Variants in ZC2HC1C observed in about 807,000 individuals in gnomAD.
ZC2HC1C encodes zinc finger C2HC-type containing 1C.
A neutral mutation model predicts 39.2 loss-of-function variants in ZC2HC1C; 25 were observed. The observed-to-expected ratio is 0.64, with a 90% CI of 0.47 to 0.89. ZC2HC1C has a LOEUF of 0.89. ZC2HC1C is among the 40% of genes least tolerant of loss of function. The pLI is 0.00. For synonymous variants in ZC2HC1C, 209 were observed against 214.4 expected (o/e 0.97, Z 0.22); for missense variants, 519 against 548.6 (o/e 0.95, Z 0.54).
chr14:75,073,167 T>C (rs945497091), intron 2 of ZC2HC1C, among the ~76,000 whole-genome samples: 1 of 152,232 alleles, frequency 6.6e-6, no homozygotes. Context: ...TTTTAGTAGT[T>C]TGGAGAAATC....
At position 75,078,998 on chromosome 14, in the gene ZC2HC1C, T is replaced by C. The variant is rs1893790733; in HGVS notation, c.*1434T>C. On this transcript the variant is annotated 3_prime_UTR_variant, in exon 3 of 3. Coordinates refer to ENST00000524913, the MANE Select transcript of ZC2HC1C (RefSeq NM_024643.4). ...TCTGCGAGAGTATTATCAGTTCAGA[T>C]AGGAGTGAAGTTAGCACAACAGATA... The C allele has an allele frequency of 6.6e-6, 1 of 152,146 alleles. No individual in the cohort carries two copies. Among genetic ancestry groups the C allele is most frequent in the Admixed American group, 6.5e-5 (1 of 15,270 alleles). 9.4% of individuals were successfully genotyped at this position (152,146 alleles called of 1,614,324 possible).
rs765802539 is a variant in ZC2HC1C, at chr14:75,071,888, T to C, written c.1315T>C (p.Trp439Arg). The C allele has an allele frequency of 1.5e-5, 24 of 1,602,338 alleles. No individual in the cohort carries two copies. The highest frequency in any genetic ancestry group is 1.9e-5 in the Non-Finnish European group (22 of 1,174,792). Residue 439 changes from tryptophan to arginine, a missense_variant, in exon 2 of 3, where the codon TGG (tryptophan) becomes CGG (arginine). Trp to Arg is a moderately radical substitution (Grantham distance 101). Transcript: ENST00000524913. ...CACAGAACTAGAGCAGTACTTGAAC[T>C]GGAAGGGGCCAGCTTCAGCCAAGGT... ...KGTELEQYLN[W>R]KGPASAKAEP...
chr14:75,073,516 C>T (rs1893520538), intron 2 of ZC2HC1C: 1 of 1,222,650 alleles, frequency 8.2e-7, no homozygotes, highest in Non-Finnish European at 1.1e-6. Flanking sequence ...CAGAAGGGAC[C>T]TAGACTAAGA....
intron 2 of ZC2HC1C, among the ~76,000 whole-genome samples, chr14:75,074,332 C>T (rs1893565455): frequency 6.6e-6 from 1 of 152,096 alleles, no homozygotes; most frequent in Non-Finnish European, 1.5e-5. Context: ...TCCTATTATT[C>T]ATCATTAACA....
chr14:75,073,572 G>A, intron 2 of ZC2HC1C: 4 of 1,289,242 alleles, frequency 3.1e-6, no homozygotes, highest in Non-Finnish European at 4.0e-6. Flanking sequence ...ATTCCACAGT[G>A]CTGTGCCTTT....
intron 2 of ZC2HC1C, 129 bp from the exon 3 acceptor site, chr14:75,077,403 T>G (rs1453887410): frequency 4.0e-6 from 5 of 1,250,954 alleles, no homozygotes; most frequent in Non-Finnish European, 5.7e-6. Context: ...GTTACCGCTG[T>G]TGCTCCTTTC....
rs371505188 is a variant in ZC2HC1C at position 75,071,694 on chromosome 14, C to G, written c.1121C>G (p.Pro374Arg). 4.3e-5 allele frequency: 70 copies of G among 1,614,032 alleles called. No individual in the cohort carries two copies. The highest frequency in any genetic ancestry group is 5.3e-5 in the Non-Finnish European group (63 of 1,180,022). The change falls in exon 2 of 3, where the codon CCA (proline) becomes CGA (arginine). Residue 374 changes from proline (P) to arginine (R), a missense_variant. Physicochemically the swap from Pro to Arg is moderately radical, Grantham distance 103. Coordinates refer to ENST00000524913, the MANE Select transcript of ZC2HC1C (RefSeq NM_024643.4). ...AGAAATTCCAGCCTGTCCATGGCAC[C>G]AGACTCCTCAGGTTCCAGCGGCTCC... The part of the protein sequence containing the change: ...SARNSSLSMA[P>R]DSSGSSGSIE...
chr14:75,074,393 T>C (rs1461335906), intron 2 of ZC2HC1C, among the ~76,000 whole-genome samples: 2 of 152,120 alleles, frequency 1.3e-5, no homozygotes, highest in Non-Finnish European at 2.9e-5. Flanking sequence ...AAAAATTTAA[T>C]AGTGTTTGCA....
Position 75,070,657 on chromosome 14 carries a change from C to T in ZC2HC1C, c.84C>T (p.His28=), listed in dbSNP as rs748256536. 14 of 1,614,086 alleles carry T rather than the reference C, an allele frequency of 8.7e-6. No homozygotes were observed. The Middle Eastern group carries it at 8.2e-4, about 95-fold the overall frequency. Residue 28 remains histidine (H), a synonymous_variant, in exon 2 of 3, where the codon CAC becomes CAT. Transcript: ENST00000524913. ...PHNTTEAPGP[H]SAKQDSYEQG... The stretch of plus-strand genomic sequence containing the variant: ...ATACAACGGAAGCTCCAGGGCCCCA[C>T]TCAGCCAAGCAAGACTCTTACGAAC...
In ZC2HC1C at chr14:75,070,610, G is replaced by A. The variant is rs1428790754; in HGVS notation, c.37G>A (p.Val13Met). 6.2e-7 allele frequency: 1 copy of A among 1,613,740 alleles called. No homozygotes were observed. The highest frequency in any genetic ancestry group is 1.1e-5 in the South Asian group (1 of 91,048). ...GLQRLASHLPVGVMLPHNTTE... is the reference protein window; with the variant it reads ...GLQRLASHLPMGVMLPHNTTE... ...CCAGCGGTTGGCGTCACATCTGCCT[G>A]TGGGCGTTATGCTCCCACATAATAC... Residue 13 changes from valine to methionine, a missense_variant, in exon 2 of 3, where the codon GTG (valine) becomes ATG (methionine). By Grantham distance (21) the Val-to-Met change is conservative. Coordinates refer to ENST00000524913, the MANE Select transcript of ZC2HC1C (RefSeq NM_024643.4).
Position 75,069,670 on chromosome 14 carries a change from G to A in ZC2HC1C, c.-99G>A, listed in dbSNP as rs1183559352. The A allele has an allele frequency of 1.1e-5, 2 of 179,736 alleles. No homozygotes were observed. The highest frequency in any genetic ancestry group is 2.4e-5 in the African/African-American group (1 of 42,330). 11.1% of individuals were successfully genotyped at this position (179,736 alleles called of 1,614,324 possible). ...GCCAGCTGAGAGCGCCTGCGCGGCT[G>A]TCGGTTGATGGGGAGGTCAGGTCTG... On this transcript the variant is annotated 5_prime_UTR_variant, in exon 1 of 3. Coordinates refer to ENST00000524913, the MANE Select transcript of ZC2HC1C (RefSeq NM_024643.4).
At chr14:75,077,506 TG>T in intron 2 of ZC2HC1C, 25 bp from the exon 3 acceptor site, 1 of 1,614,162 alleles carries the variant, frequency 6.2e-7, no homozygotes, top group South Asian at 1.1e-5. Flanking sequence ...CCAACTTGAA[TG>T]ATCAGTCTCC....
intron 2 of ZC2HC1C, among the ~76,000 whole-genome samples, chr14:75,073,026 C>T (rs555299925): frequency 2.0e-5 from 3 of 152,156 alleles, no homozygotes; most frequent in Non-Finnish European, 4.4e-5. Flanking sequence ...TTCTTCCCAA[C>T]CCTCCCTCCG....
intron 2 of ZC2HC1C, among the ~76,000 whole-genome samples, chr14:75,075,591 T>G (rs1157130950): frequency 6.6e-6 from 1 of 152,270 alleles, no homozygotes; most frequent in Non-Finnish European, 1.5e-5. Flanking sequence ...TAATGCCATT[T>G]TGATTCCTGT....
chr14:75,076,045 A>AC (rs1893651374), intron 2 of ZC2HC1C, among the ~76,000 whole-genome samples: 8 of 152,188 alleles, frequency 5.3e-5, no homozygotes, highest in Non-Finnish European at 1.2e-4. Flanking sequence ...TGACAAAGCA[A>AC]GACTCCATCT....
At chr14:75,073,698 T>C in intron 2 of ZC2HC1C, 13 of 1,116,844 alleles carry the variant, frequency 1.2e-5, no homozygotes, top group Non-Finnish European at 1.4e-5. Context: ...CCTGTCTCTC[T>C]CCTGGACTGT....
intron 2 of ZC2HC1C, among the ~76,000 whole-genome samples, chr14:75,073,858 C>A (rs1230022676): frequency 6.6e-6 from 1 of 152,112 alleles, no homozygotes; most frequent in Non-Finnish European, 1.5e-5. Context: ...GAGGAACTTT[C>A]CCCTGATCAA....
chr14:75,077,761 A>G lies in ZC2HC1C; in HGVS notation c.*197A>G. The stretch of plus-strand genomic sequence containing the variant: ...ATTCCCAAGTGTAAGACCATCAAGA[A>G]CTGTCTTCCACCTCTAAGGAAGCAT... On this transcript the variant is annotated 3_prime_UTR_variant, in exon 3 of 3. Coordinates refer to ENST00000524913, the MANE Select transcript of ZC2HC1C (RefSeq NM_024643.4). 1.6e-6 allele frequency: 1 copy of G among 613,280 alleles called. No individual in the cohort carries two copies. The highest frequency in any genetic ancestry group is 2.9e-6 in the Non-Finnish European group (1 of 347,470). 38.0% of individuals were successfully genotyped at this position (613,280 alleles called of 1,614,324 possible).
At position 75,070,678 on chromosome 14, in the gene ZC2HC1C, C is replaced by T. The variant is rs11546525; in HGVS notation, c.105C>T (p.Tyr35=). 0.4 allele frequency: 653,027 copies of T among 1,613,952 alleles called. 138,311 individuals are homozygous for T. Among genetic ancestry groups the T allele is most frequent in the East Asian group, 0.63 (28,082 of 44,866 alleles). The change falls in exon 2 of 3, where the codon TAC becomes TAT. Residue 35 remains tyrosine (Y), a synonymous_variant. Coordinates refer to ENST00000524913, the MANE Select transcript of ZC2HC1C (RefSeq NM_024643.4). ...PGPHSAKQDS[Y]EQGDSSQQSL... ...CCCACTCAGCCAAGCAAGACTCTTACGAACAAGGTGACTCTTCCCAGCAGT... is the reference window on the plus strand; with the variant it reads ...CCCACTCAGCCAAGCAAGACTCTTATGAACAAGGTGACTCTTCCCAGCAGT...
Sources: allele counts gnomAD v4.1 joint callset (sites outside exome capture counted in the v4.1 genomes callset), GRCh38; gene constraint gnomAD v4.1.1; transcripts MANE v1.5; gene names NCBI Gene and HGNC (gene_info 2026-07-23, HGNC 2026-07-21).